The following NAA15 variants were observed in gnomAD, a reference collection of about 807,000 sequenced individuals.
NAA15 encodes N-alpha-acetyltransferase 15, NatA auxiliary subunit.
A neutral mutation model predicts 114.0 loss-of-function variants in NAA15; 34 were observed. The ratio of observed to expected loss-of-function variants is 0.30; its 90% CI spans 0.23 to 0.40. The LOEUF is 0.40. Among genes scored for constraint, NAA15 ranks in the 10% least tolerant of loss-of-function variants. The probability of loss-of-function intolerance (pLI) is 1.00; values close to 1 mark genes in which losing one functional copy is unlikely to be tolerated. For missense variants in NAA15, 658 were observed against 1,004.5 expected (o/e 0.66, Z 4.66); for synonymous variants, 340 against 338.0 (o/e 1.01, Z -0.06).
rs887398869 is a variant in NAA15, at chr4:139,391,183, ACTT to A, written c.*3103_*3105del. The stretch of plus-strand genomic sequence containing the variant: ...GTCTTTCTATTCTAGCTAATGCCCC[ACTT>A]CTTTAAGTTATAAACAAAGTTTCAT... On this transcript the variant is annotated 3_prime_UTR_variant, in exon 20 of 20. Transcript: ENST00000296543. The A allele has an allele frequency of 6.6e-6, 1 of 152,156 alleles. No individual in the cohort carries two copies. The highest frequency in any genetic ancestry group is 1.9e-4 in the East Asian group (1 of 5,202). The allele number at this position is 152,156 out of a possible 1,614,324, so 9.4% of individuals were successfully genotyped here.
rs70943412 is a variant in NAA15 at position 139,309,426 on chromosome 4, AGTGTGTGT to A, written c.54+7632_54+7639del. Among the ~76,000 whole-genome samples the A allele has an allele frequency of 1.7e-3, 250 of 143,668 alleles. 1 individual carries two copies. The highest frequency in any genetic ancestry group is 5.2e-3 in the African/African-American group (197 of 37,982). The allele number at this position is 143,668 out of a possible 152,430, so 94.3% of individuals were successfully genotyped here. On this transcript the variant is annotated intron_variant, in intron 1 of 19. Coordinates refer to ENST00000296543, the MANE Select transcript of NAA15 (RefSeq NM_057175.5). ...AAATTTATTCTTTGCTTGCTTTTTA[AGTGTGTGT>A]GTGTGTGTGTGTGTGTGTGTGTGTG...
chr4:139,334,606 T>A (rs1352674702), intron 2 of NAA15, among the ~76,000 whole-genome samples: 1 of 152,218 alleles, frequency 6.6e-6, no homozygotes, highest in African/African-American at 2.4e-5. Context: ...GCTCATAAAC[T>A]ATCATATTTT....
intron 9 of NAA15, among the ~76,000 whole-genome samples, chr4:139,351,998 TG>T (rs1747794463): frequency 6.6e-6 from 1 of 152,152 alleles, no homozygotes; most frequent in African/African-American, 2.4e-5. Context: ...TTTTTAAATT[TG>T]GTAGACAAAA....
At chr4:139,322,765 C>G (rs1037920679) in intron 1 of NAA15, among the ~76,000 whole-genome samples, 1 of 152,170 alleles carries the variant, frequency 6.6e-6, no homozygotes, top group African/African-American at 2.4e-5. Context: ...AATTTTGGCT[C>G]ACTGCAACCT....
intron 14 of NAA15, among the ~76,000 whole-genome samples, chr4:139,365,654 A>G (rs1223234038): frequency 1.8e-4 from 28 of 152,002 alleles, no homozygotes; most frequent in Admixed American, 1.8e-3. Context: ...CCTGGGCAAC[A>G]TGGTGAAACT....
chr4:139,341,290 T>C (rs1298897145), intron 4 of NAA15, among the ~76,000 whole-genome samples: 1 of 151,990 alleles, frequency 6.6e-6, no homozygotes, highest in East Asian at 1.9e-4. Context: ...TAGGGTTGAC[T>C]TAATTTGATA....
At chr4:139,347,098 G>T (rs115827992) in intron 6 of NAA15, among the ~76,000 whole-genome samples, 153 of 151,750 alleles carry the variant, frequency 1.0e-3, no homozygotes, top group African/African-American at 3.6e-3. Context: ...TGTTTTTGAT[G>T]AAGTTGGCTT....
intron 1 of NAA15, among the ~76,000 whole-genome samples, chr4:139,306,603 T>TG (rs1553991750): frequency 3.4e-5 from 5 of 148,466 alleles, no homozygotes; most frequent in Admixed American, 6.7e-5. Flanking sequence ...TCTGGTTTTT[T>TG]TTTTGTTTTG....
chr4:139,332,553 T>G (rs1473711625), intron 1 of NAA15, among the ~76,000 whole-genome samples: 1 of 151,540 alleles, frequency 6.6e-6, no homozygotes, highest in African/African-American at 2.4e-5. Flanking sequence ...TTATACAGTC[T>G]TGGTATTTTG....
chr4:139,334,096 A>G, intron 1 of NAA15, 78 bp from the exon 2 acceptor site: 1 of 835,162 alleles, frequency 1.2e-6, no homozygotes, highest in Non-Finnish European at 2.0e-6. Flanking sequence ...TATTTAACAG[A>G]GTAGAGAAAT....
intron 1 of NAA15, among the ~76,000 whole-genome samples, chr4:139,305,581 A>G (rs1745985605): frequency 7.0e-6 from 1 of 142,050 alleles, no homozygotes; most frequent in Non-Finnish European, 1.5e-5. Context: ...TTTGTTGCCC[A>G]GGCTGGAGGG....
chr4:139,379,675 C>T (rs537454447), intron 17 of NAA15, among the ~76,000 whole-genome samples: 2 of 152,280 alleles, frequency 1.3e-5, no homozygotes, highest in Non-Finnish European at 2.9e-5. Flanking sequence ...ACATTGCCAA[C>T]TCCATACATT....
At chr4:139,321,638 A>G (rs1579090930) in intron 1 of NAA15, among the ~76,000 whole-genome samples, 1 of 132,544 alleles carries the variant, frequency 7.5e-6, no homozygotes, top group Non-Finnish European at 1.6e-5. Context: ...CGCCTGGCTA[A>G]TTTTTTTTTT....
intron 2 of NAA15, among the ~76,000 whole-genome samples, chr4:139,336,170 G>C (rs769648539): frequency 2.0e-5 from 3 of 152,140 alleles, no homozygotes; most frequent in Non-Finnish European, 4.4e-5. Flanking sequence ...GTCTAAAAGA[G>C]AAATCAATCA....
At chr4:139,361,656 C>T in intron 13 of NAA15, 68 bp from the exon 14 acceptor site, 2 of 968,556 alleles carry the variant, frequency 2.1e-6, no homozygotes, top group Non-Finnish European at 3.0e-6. Context: ...TATTCCAATG[C>T]TTTGATTTTA....
chr4:139,349,943 GC>G (rs1579114136), intron 7 of NAA15, among the ~76,000 whole-genome samples: 1 of 151,904 alleles, frequency 6.6e-6, no homozygotes, highest in East Asian at 1.9e-4. Context: ...CCAGCATAGT[GC>G]CACTGCATTC....
chr4:139,315,043 TAGGTTAGG>T (rs1560952996), intron 1 of NAA15, among the ~76,000 whole-genome samples: 16,442 of 133,450 alleles, frequency 0.12, 2,381 homozygotes, highest in Non-Finnish European at 0.16. Context: ...TAGGTTAGGT[TAGGTTAGG>T]TTAGTTTAGT....
intron 1 of NAA15, among the ~76,000 whole-genome samples, chr4:139,328,912 T>C (rs754905256): frequency 1.1e-4 from 17 of 149,964 alleles, no homozygotes; most frequent in Non-Finnish European, 2.1e-4. Flanking sequence ...TTGTCCAGGC[T>C]GGAGTGCAGT....
intron 1 of NAA15, among the ~76,000 whole-genome samples, chr4:139,322,695 G>A (rs1330239158): frequency 2.0e-5 from 3 of 152,048 alleles, no homozygotes; most frequent in Non-Finnish European, 2.9e-5. Context: ...GTATATGTGT[G>A]TATTTTTTAT....
Sources: allele counts gnomAD v4.1 joint callset (sites outside exome capture counted in the v4.1 genomes callset), GRCh38; gene constraint gnomAD v4.1.1; transcripts MANE v1.5; gene names NCBI Gene and HGNC (gene_info 2026-07-23, HGNC 2026-07-21).